Variants in AGBL4 observed in about 807,000 individuals in gnomAD.
AGBL4 encodes the protein cytosolic carboxypeptidase 6.
A neutral mutation model predicts 66.4 loss-of-function variants in AGBL4; 58 were observed. That is an observed-to-expected ratio of 0.87 (90% CI 0.71 to 1.09). The LOEUF (loss-of-function observed/expected upper bound fraction) is 1.09. Ranked by LOEUF, AGBL4 falls within the 50% of genes least tolerant of loss-of-function variation. The pLI is 0.00. For synonymous variants in AGBL4, 234 were observed against 222.9 expected (o/e 1.05, Z -0.44); for missense variants, 579 against 631.0 (o/e 0.92, Z 0.88).
chr1:49,444,876 T>C (rs1386668700), intron 3 of AGBL4, among the ~76,000 whole-genome samples: 1 of 152,084 alleles, frequency 6.6e-6, no homozygotes, highest in Non-Finnish European at 1.5e-5. Flanking sequence ...GTTGTTCTGA[T>C]AGATTTCTGT....
At chr1:49,230,646 T>C (rs1001978998) in intron 4 of AGBL4, among the ~76,000 whole-genome samples, 12 of 152,190 alleles carry the variant, frequency 7.9e-5, no homozygotes, top group African/African-American at 2.7e-4. Flanking sequence ...CAGCACATAA[T>C]TGGAGGAAAT....
intron 4 of AGBL4, among the ~76,000 whole-genome samples, chr1:49,102,748 A>C (rs908565803): frequency 1.3e-5 from 2 of 152,194 alleles, no homozygotes; most frequent in Non-Finnish European, 2.9e-5. Flanking sequence ...ATCTAGGCTT[A>C]GAAAGGTTAA....
intron 1 of AGBL4, among the ~76,000 whole-genome samples, chr1:49,859,339 A>G (rs1332654194): frequency 6.6e-6 from 1 of 152,248 alleles, no homozygotes; most frequent in African/African-American, 2.4e-5. Context: ...AATTCTCAGC[A>G]AAGTATTAGC....
chr1:48,663,035 A>G, intron 7 of AGBL4, 117 bp downstream of exon 7: 1 of 900,772 alleles, frequency 1.1e-6, no homozygotes, highest in Non-Finnish European at 1.8e-6. Flanking sequence ...CTTTAAAGAA[A>G]TGCATTAAAT....
At chr1:49,329,394 G>A (rs930500503) in intron 3 of AGBL4, among the ~76,000 whole-genome samples, 7 of 151,800 alleles carry the variant, frequency 4.6e-5, no homozygotes, top group African/African-American at 1.4e-4. Context: ...TGCCGGGCGC[G>A]GTGGTTCATG....
At chr1:49,318,427 A>ATGG (rs1322127554) in intron 3 of AGBL4, among the ~76,000 whole-genome samples, 1 of 150,476 alleles carries the variant, frequency 6.6e-6, no homozygotes, top group Non-Finnish European at 1.5e-5. Context: ...GATGATGATG[A>ATGG]CGGCAATGAT....
chr1:48,567,742 C>T (rs1198483467), intron 11 of AGBL4, among the ~76,000 whole-genome samples: 1 of 152,162 alleles, frequency 6.6e-6, no homozygotes, highest in Non-Finnish European at 1.5e-5. Flanking sequence ...GAGCAGATGG[C>T]ACGTCTTTGG....
intron 1 of AGBL4, among the ~76,000 whole-genome samples, chr1:49,862,739 C>T (rs1009223715): frequency 6.6e-6 from 1 of 152,238 alleles, no homozygotes; most frequent in Admixed American, 6.5e-5. Context: ...AGTGGCATGA[C>T]ATAGTCAAAG....
At chr1:49,328,805 A>T (rs1328676016) in intron 3 of AGBL4, among the ~76,000 whole-genome samples, 4 of 152,116 alleles carry the variant, frequency 2.6e-5, no homozygotes, top group African/African-American at 9.7e-5. Flanking sequence ...CTGTTATCCC[A>T]TCTCAATATT....
chr1:48,586,989 G>A lies in AGBL4; in HGVS notation c.1267+15C>T. On this transcript the variant is annotated intron_variant, in intron 11 of 13. Transcript: ENST00000371839. ...GATGAGGGCTGGCCCAAGGCTGGGT[G>A]GGGACTAAGGATACAGGCTTCTTCA... 1 of 1,609,714 alleles carries A rather than the reference G, an allele frequency of 6.2e-7. No individual in the cohort carries two copies. Among genetic ancestry groups the A allele is most frequent in the Non-Finnish European group, 8.5e-7 (1 of 1,178,226 alleles).
At chr1:49,640,616 A>T (rs1258348462) in intron 3 of AGBL4, among the ~76,000 whole-genome samples, 1 of 152,198 alleles carries the variant, frequency 6.6e-6, no homozygotes, top group Non-Finnish European at 1.5e-5. Context: ...CTAGCAAAGG[A>T]TAATACAATA....
chr1:49,308,973 T>C (rs1438367728), intron 3 of AGBL4, among the ~76,000 whole-genome samples: 1 of 152,176 alleles, frequency 6.6e-6, no homozygotes, highest in Non-Finnish European at 1.5e-5. Context: ...GAGACCATTT[T>C]ATATGCTGGG....
intron 3 of AGBL4, among the ~76,000 whole-genome samples, chr1:49,338,793 T>G (rs773575141): frequency 2.6e-5 from 4 of 152,136 alleles, no homozygotes; most frequent in African/African-American, 4.8e-5. Context: ...AGAAGTGCTC[T>G]GAGGGTGGTG....
At chr1:49,516,072 C>T (rs1027736992) in intron 3 of AGBL4, among the ~76,000 whole-genome samples, 1 of 151,136 alleles carries the variant, frequency 6.6e-6, no homozygotes, top group Non-Finnish European at 1.5e-5. Context: ...CTGCCCCCCC[C>T]CACAAAAAAA....
At chr1:48,656,333 C>T (rs762129342) in intron 7 of AGBL4, among the ~76,000 whole-genome samples, 6 of 152,194 alleles carry the variant, frequency 3.9e-5, no homozygotes, top group Non-Finnish European at 8.8e-5. Context: ...CTTATAAACG[C>T]CTATTGATGG....
intron 6 of AGBL4, among the ~76,000 whole-genome samples, chr1:48,786,361 A>T (rs996989906): frequency 2.6e-5 from 4 of 152,242 alleles, no homozygotes; most frequent in Non-Finnish European, 5.9e-5. Context: ...GTTTATAGTT[A>T]CATGGAAAAG....
intron 1 of AGBL4, among the ~76,000 whole-genome samples, chr1:49,998,365 A>C (rs1557650068): frequency 6.6e-6 from 1 of 152,134 alleles, no homozygotes; most frequent in East Asian, 1.9e-4. Context: ...AGAAATATAC[A>C]ACCCTCCTAG....
intron 5 of AGBL4, among the ~76,000 whole-genome samples, chr1:48,984,756 T>G (rs983866218): frequency 6.6e-6 from 1 of 151,498 alleles, no homozygotes; most frequent in African/African-American, 2.4e-5. Flanking sequence ...TGACCTACGG[T>G]GAAAGTTGGA....
chr1:49,368,335 C>T (rs528287420), intron 3 of AGBL4, among the ~76,000 whole-genome samples: 1 of 152,136 alleles, frequency 6.6e-6, no homozygotes, highest in African/African-American at 2.4e-5. Context: ...AACAACTAAA[C>T]TGTTTTCTAT....
Sources: gnomAD v4.1 joint callset for allele counts (sites outside exome capture counted in the v4.1 genomes callset) on GRCh38, gnomAD v4.1.1 for gene constraint, MANE v1.5 for transcripts, NCBI Gene and HGNC (gene_info 2026-07-23, HGNC 2026-07-21) for gene names.